The following UNC13C variants were observed in gnomAD, a reference collection of about 807,000 sequenced individuals.
UNC13C encodes unc-13 homolog C, also known as protein unc-13 homolog C.
UNC13C carries 174 observed loss-of-function variants against 245.4 expected under a neutral mutation model. The ratio of observed to expected loss-of-function variants is 0.71; its 90% CI spans 0.63 to 0.80. The LOEUF (loss-of-function observed/expected upper bound fraction) is 0.80. Among genes scored for constraint, UNC13C ranks in the 30% least tolerant of loss-of-function variants. The pLI is 0.00. For missense variants in UNC13C, 2,829 were observed against 2,602.9 expected, an observed-to-expected ratio of 1.09 and a Z score of -1.89; for synonymous variants, 992 against 895.1, an observed-to-expected ratio of 1.11 and a Z score of -1.93.
chr15:54,512,748 C>T lies in UNC13C; in HGVS notation c.5457+918C>T, dbSNP rs79135227. On this transcript the variant is annotated intron_variant, in intron 24 of 32. Coordinates refer to ENST00000260323, the MANE Select transcript of UNC13C (RefSeq NM_001080534.3). ...CCCGTGGGAAAGTTTATGAGATGTG[C>T]GTAATGCTAGGATGCATTTCAAAGT... 5.9e-5 allele frequency among the ~76,000 whole-genome samples: 9 copies of T among 152,218 alleles called. No individual in the cohort carries two copies. The South Asian group carries it at 1.0e-3, about 18-fold the overall frequency.
intron 14 of UNC13C, among the ~76,000 whole-genome samples, chr15:54,331,542 G>A (rs376203616): frequency 6.6e-6 from 1 of 151,978 alleles, no homozygotes; most frequent in African/African-American, 2.4e-5. Context: ...CTTCCAAAAA[G>A]AAAATATTTT....
chr15:54,241,975 T>A (rs1331546976), intron 7 of UNC13C, among the ~76,000 whole-genome samples: 5 of 152,224 alleles, frequency 3.3e-5, no homozygotes, highest in Non-Finnish European at 7.3e-5. Flanking sequence ...GAGATCCATG[T>A]TGGTCCAGTT....
At chr15:54,369,158 T>C (rs1056543547) in intron 17 of UNC13C, among the ~76,000 whole-genome samples, 1 of 151,718 alleles carries the variant, frequency 6.6e-6, no homozygotes, top group African/African-American at 2.4e-5. Context: ...AAGTAGATTA[T>C]AGAAATAGAC....
chr15:54,155,474 G>A (rs2032703231), intron 4 of UNC13C, among the ~76,000 whole-genome samples: 1 of 151,914 alleles, frequency 6.6e-6, no homozygotes, highest in South Asian at 2.1e-4. Flanking sequence ...GAGTGACTGA[G>A]GCCATTTTTG....
chr15:53,904,976 A>C, the UNC13C span, among the ~76,000 whole-genome samples: 2 of 152,158 alleles, frequency 1.3e-5, no homozygotes, highest in Non-Finnish European at 1.5e-5. Flanking sequence ...CTCTCTAAGG[A>C]AAATAGACAT....
intron 30 of UNC13C, among the ~76,000 whole-genome samples, chr15:54,587,845 CAT>C (rs1449885626): frequency 6.6e-6 from 1 of 152,192 alleles, no homozygotes; most frequent in African/African-American, 2.4e-5. Flanking sequence ...AAGATACTGA[CAT>C]GTTCAATAAT....
intron 1 of UNC13C, among the ~76,000 whole-genome samples, chr15:53,988,619 A>G (rs1010451366): frequency 1.3e-5 from 2 of 151,920 alleles, no homozygotes; most frequent in African/African-American, 4.8e-5. Context: ...ATTTGGAAGT[A>G]CATTCTTTCC....
At chr15:54,473,604 G>A (rs1892576184) in intron 19 of UNC13C, among the ~76,000 whole-genome samples, 1 of 151,740 alleles carries the variant, frequency 6.6e-6, no homozygotes, top group Admixed American at 6.6e-5. Context: ...TCTGTGCCTA[G>A]CTTATTTGAC....
At chr15:53,837,883 C>T in the UNC13C span, among the ~76,000 whole-genome samples, 2 of 152,158 alleles carry the variant, frequency 1.3e-5, no homozygotes, top group East Asian at 3.9e-4. Flanking sequence ...TGATCAGTTT[C>T]TAAGCACTGT....
chr15:53,983,753 C>T (rs1307676891), intron 1 of UNC13C, among the ~76,000 whole-genome samples: 1 of 151,862 alleles, frequency 6.6e-6, no homozygotes, highest in Non-Finnish European at 1.5e-5. Context: ...TCAGTAGCCT[C>T]TGTTACCTCT....
intron 1 of UNC13C, among the ~76,000 whole-genome samples, chr15:53,981,908 A>G (rs1357151652): frequency 6.6e-6 from 1 of 152,136 alleles, no homozygotes; most frequent in Non-Finnish European, 1.5e-5. Flanking sequence ...TCTCTTTTAT[A>G]TCCTAGTCAT....
chr15:53,991,159 T>A (rs1419789063), intron 1 of UNC13C, among the ~76,000 whole-genome samples: 2 of 152,024 alleles, frequency 1.3e-5, no homozygotes, highest in African/African-American at 4.8e-5. Context: ...ATTTATAACC[T>A]GGTACTTGAA....
At chr15:54,475,542 G>T (rs974827064) in intron 19 of UNC13C, among the ~76,000 whole-genome samples, 16 of 151,464 alleles carry the variant, frequency 1.1e-4, no homozygotes, top group Admixed American at 6.6e-4. Context: ...CCATCTATGA[G>T]TGAGAACATG....
At chr15:54,499,751 G>A (rs1321155321) in intron 20 of UNC13C, among the ~76,000 whole-genome samples, 1 of 152,116 alleles carries the variant, frequency 6.6e-6, no homozygotes, top group East Asian at 1.9e-4. Context: ...TTAAAAATGA[G>A]GAAATGCGTT....
intron 10 of UNC13C, among the ~76,000 whole-genome samples, chr15:54,270,109 G>C (rs944243994): frequency 3.3e-5 from 5 of 152,080 alleles, no homozygotes; most frequent in South Asian, 4.2e-4. Flanking sequence ...TATATCACTG[G>C]CTCCAGAAAT....
intron 4 of UNC13C, among the ~76,000 whole-genome samples, chr15:54,216,143 T>C (rs191169289): frequency 6.6e-6 from 1 of 151,940 alleles, no homozygotes; most frequent in Non-Finnish European, 1.5e-5. Context: ...TCTTGGATAC[T>C]AGAGGCAAAG....
At chr15:53,905,884 A>G in the UNC13C span, among the ~76,000 whole-genome samples, 3 of 152,172 alleles carry the variant, frequency 2.0e-5, no homozygotes, top group Admixed American at 1.3e-4. Context: ...ATATCTTAAA[A>G]AAATAGAGGG....
At chr15:54,084,869 T>C (rs1223807835) in intron 2 of UNC13C, among the ~76,000 whole-genome samples, 1 of 152,206 alleles carries the variant, frequency 6.6e-6, no homozygotes, top group Non-Finnish European at 1.5e-5. Context: ...AAGATCACAA[T>C]TGCAAGAATT....
intron 4 of UNC13C, among the ~76,000 whole-genome samples, chr15:54,148,450 T>A (rs1248983173): frequency 6.6e-6 from 1 of 152,228 alleles, no homozygotes. Context: ...AACATATTTT[T>A]AATTTTCTGT....
Sources: gnomAD v4.1 joint callset for allele counts (sites outside exome capture counted in the v4.1 genomes callset) on GRCh38, gnomAD v4.1.1 for gene constraint, MANE v1.5 for transcripts, NCBI Gene and HGNC (gene_info 2026-07-23, HGNC 2026-07-21) for gene names.